Variants in NIBAN1 observed in about 807,000 individuals in gnomAD.
NIBAN1 encodes the protein niban apoptosis regulator 1.
Under a neutral mutation model 75.1 loss-of-function variants are expected in NIBAN1, and 81 were observed. The ratio of observed to expected loss-of-function variants is 1.08; its 90% CI spans 0.90 to 1.30. The LOEUF is 1.30. Ranked by LOEUF, NIBAN1 falls within the 50% of genes most tolerant of loss-of-function variation. The probability of loss-of-function intolerance (pLI) is 0.00; values close to 1 mark genes in which losing one functional copy is unlikely to be tolerated. For synonymous variants in NIBAN1, 436 were observed against 424.8 expected, an observed-to-expected ratio of 1.03 and a Z score of -0.32; for missense variants, 1,133 against 1,128.1, an observed-to-expected ratio of 1.00 and a Z score of -0.06.
intron 5 of NIBAN1, among the ~76,000 whole-genome samples, chr1:184,882,816 C>T (rs1656411053): frequency 6.6e-6 from 1 of 152,180 alleles, no homozygotes; most frequent in Admixed American, 6.5e-5. Context: ...GACCGAGGCC[C>T]TAAACACAGA....
rs551014899 is a variant in NIBAN1 at position 184,813,028 on chromosome 1, T to A, written c.1174-4793A>T. On this transcript the variant is annotated intron_variant, in intron 9 of 13. Coordinates refer to ENST00000367511, the MANE Select transcript of NIBAN1 (RefSeq NM_052966.4). ...AAAAATACTTTATTAAAGAGTGCTA[T>A]GATTAAAAGTCCACTTAATTAAAAG... is the stretch of plus-strand genomic sequence containing the variant. 2.0e-5 allele frequency among the ~76,000 whole-genome samples: 3 copies of A among 152,370 alleles called. No homozygotes were observed. In the East Asian group the frequency reaches 5.8e-4, roughly 29 times the overall value.
rs1018020183 is a variant in NIBAN1, at chr1:184,793,868, C to T, written c.*1109G>A. The T allele has an allele frequency of 3.3e-5, 5 of 152,174 alleles. No individual in the cohort carries two copies. Among genetic ancestry groups the T allele is most frequent in the African/African-American group, 1.2e-4 (5 of 41,444 alleles). 9.4% of individuals were successfully genotyped at this position (152,174 alleles called of 1,614,324 possible). ...TCAATTAGCTTGCTGAATGACCAAA[C>T]AAATGATTTCAGCTTTTGATAACAT... On this transcript the variant is annotated 3_prime_UTR_variant, in exon 14 of 14. Transcript: ENST00000367511.
intron 9 of NIBAN1, among the ~76,000 whole-genome samples, chr1:184,816,794 C>T (rs1378589008): frequency 6.6e-6 from 1 of 151,268 alleles, no homozygotes; most frequent in East Asian, 1.9e-4. Context: ...TACAATAGTG[C>T]TAGTAACATC....
intron 5 of NIBAN1, among the ~76,000 whole-genome samples, chr1:184,843,617 A>G (rs576852866): frequency 6.6e-6 from 1 of 152,182 alleles, no homozygotes. Context: ...ACAATGACAC[A>G]ATCAATTATT....
At position 184,886,869 on chromosome 1, in the gene NIBAN1, T is replaced by A. The variant is rs528115307; in HGVS notation, c.434-2069A>T. Among the ~76,000 whole-genome samples the A allele has an allele frequency of 2.0e-5, 3 of 152,248 alleles. No homozygotes were observed. The East Asian group carries it at 5.8e-4, about 30-fold the overall frequency. ...AAATCAGGATTGCTCATGCCTGTAA[T>A]CCCAGCACTTTGGGAGGCCAAGGAG... is the stretch of plus-strand genomic sequence containing the variant. On this transcript the variant is annotated intron_variant, in intron 4 of 13. Coordinates refer to ENST00000367511, the MANE Select transcript of NIBAN1 (RefSeq NM_052966.4).
intron 9 of NIBAN1, among the ~76,000 whole-genome samples, chr1:184,815,968 T>C (rs1654520223): frequency 6.6e-6 from 1 of 152,210 alleles, no homozygotes; most frequent in South Asian, 2.1e-4. Context: ...TAAATTCTCT[T>C]GTGAAAGTTA....
rs941553750 is a variant in NIBAN1, at chr1:184,954,990, T to C, written c.55+19312A>G. Among the ~76,000 whole-genome samples, 70 of 152,342 alleles carry C rather than the reference T, an allele frequency of 4.6e-4. 1 individual carries two copies. Among genetic ancestry groups the C allele is most frequent in the Non-Finnish European group, 8.4e-4 (57 of 68,028 alleles). ...CATAGATGTAAGCCTCAAATGTTAT[T>C]TGGTCTTCCAGTAGCCACATTAAAA... On this transcript the variant is annotated intron_variant, in intron 1 of 13. Coordinates refer to ENST00000367511, the MANE Select transcript of NIBAN1 (RefSeq NM_052966.4).
At chr1:184,852,148 G>A (rs77486583) in intron 5 of NIBAN1, among the ~76,000 whole-genome samples, 9,972 of 152,208 alleles carry the variant, frequency 0.066, 1,084 homozygotes, top group African/African-American at 0.23. Flanking sequence ...AATTGAAGAG[G>A]ACATTCTTTT....
At chr1:184,890,577 C>T (rs993667436) in intron 3 of NIBAN1, among the ~76,000 whole-genome samples, 2 of 152,130 alleles carry the variant, frequency 1.3e-5, no homozygotes, top group African/African-American at 4.8e-5. Flanking sequence ...TGATAATAAC[C>T]ACAAAGGTGA....
intron 1 of NIBAN1, among the ~76,000 whole-genome samples, chr1:184,968,582 A>G (rs1356046514): frequency 1.3e-5 from 2 of 152,156 alleles, no homozygotes; most frequent in Non-Finnish European, 2.9e-5. Flanking sequence ...CATGTCTACA[A>G]ATTTAGAGCT....
At chr1:184,826,208 C>T (rs1184388228) in intron 6 of NIBAN1, among the ~76,000 whole-genome samples, 3 of 152,136 alleles carry the variant, frequency 2.0e-5, no homozygotes, top group South Asian at 2.1e-4. Context: ...ATCTGCCTGG[C>T]GTGACAAAAG....
At chr1:184,930,490 G>A (rs1045379413) in intron 1 of NIBAN1, among the ~76,000 whole-genome samples, 1 of 152,176 alleles carries the variant, frequency 6.6e-6, no homozygotes, top group African/African-American at 2.4e-5. Flanking sequence ...TGTTCAAAGT[G>A]ATAAGAAGGA....
At chr1:184,913,137 G>GTATATATATATATATATATGATA (rs56098797) in intron 1 of NIBAN1, among the ~76,000 whole-genome samples, 1 of 109,750 alleles carries the variant, frequency 9.1e-6, no homozygotes, top group Non-Finnish European at 1.9e-5. Flanking sequence ...TATCATGCAG[G>GTATATATATATATATATATGATA]TATATATATA....
At chr1:184,803,240 G>A (rs536413747) in intron 12 of NIBAN1, among the ~76,000 whole-genome samples, 90 of 152,284 alleles carry the variant, frequency 5.9e-4, no homozygotes, top group African/African-American at 2.1e-3. Context: ...GTATCCTTAG[G>A]TATTCTATGT....
At chr1:184,877,129 T>C (rs1055951289) in intron 5 of NIBAN1, among the ~76,000 whole-genome samples, 3 of 152,202 alleles carry the variant, frequency 2.0e-5, no homozygotes, top group Non-Finnish European at 4.4e-5. Context: ...TTAGAAATTA[T>C]GGTATATTAA....
chr1:184,965,149 A>T (rs927483380), intron 1 of NIBAN1, among the ~76,000 whole-genome samples: 3 of 152,258 alleles, frequency 2.0e-5, no homozygotes, highest in African/African-American at 7.2e-5. Flanking sequence ...AATACAAAAA[A>T]TTAGCCAGGT....
chr1:184,831,954 T>G lies in NIBAN1; in HGVS notation c.610A>C (p.Lys204Gln). The G allele has an allele frequency of 6.2e-7, 1 of 1,612,394 alleles. No homozygotes were observed. The highest frequency in any genetic ancestry group is 1.1e-5 in the South Asian group (1 of 91,022). Residue 204 changes from lysine to glutamine, a missense_variant, in exon 6 of 14, where the codon AAG becomes CAG. Lys to Gln is a moderately conservative substitution (Grantham distance 53, BLOSUM62 1). Transcript: ENST00000367511. ...CVRHLNHDYM[K>Q]QMTFEAQAFL... The stretch of plus-strand genomic sequence containing the variant: ...GCTTGGGCTTCAAATGTCATCTGCT[T>G]CATGTAATCTAAAGAAAAGAAGAAA...
intron 12 of NIBAN1, 88 bp downstream of exon 12, chr1:184,803,497 T>C: frequency 1.0e-6 from 1 of 972,574 alleles, no homozygotes; most frequent in South Asian, 1.4e-5. Flanking sequence ...TGGTCTAGTC[T>C]GCTGTTTGCC....
rs148356793 is a variant in NIBAN1 at position 184,795,483 on chromosome 1, C to T, written c.2281G>A (p.Asp761Asn). The T allele has an allele frequency of 2.5e-5, 40 of 1,612,496 alleles. No individual in the cohort carries two copies. The highest frequency in any genetic ancestry group is 1.9e-4 in the African/African-American group (14 of 74,878). Reference protein sequence around the residue: ...EPSQAAAIHPDNCEESEVSER... With the variant: ...EPSQAAAIHPNNCEESEVSER... ...CTGACTTCACTTTCTTCACAGTTGT[C>T]GGGGTGGATGGCAGCTGCCTGACTG... The change falls in exon 14 of 14, where the codon GAC (aspartate) becomes AAC (asparagine). Residue 761 changes from aspartate to asparagine, a missense_variant. Physicochemically the swap from Asp to Asn is conservative, Grantham distance 23 (BLOSUM62 1). Coordinates refer to ENST00000367511, the MANE Select transcript of NIBAN1 (RefSeq NM_052966.4).
Sources: gnomAD v4.1 joint callset for allele counts (sites outside exome capture counted in the v4.1 genomes callset) on GRCh38, gnomAD v4.1.1 for gene constraint, MANE v1.5 for transcripts, NCBI Gene and HGNC (gene_info 2026-07-23, HGNC 2026-07-21) for gene names.